Variants in PRKCA observed in about 807,000 individuals in gnomAD.
PRKCA encodes the protein protein kinase C alpha, also known as protein kinase C alpha type.
A neutral mutation model predicts 87.0 loss-of-function variants in PRKCA; 27 were observed. The observed-to-expected ratio is 0.31, with a 90% confidence interval of 0.23 to 0.43. PRKCA has a LOEUF of 0.43. Ranked by LOEUF, PRKCA falls within the 20% of genes least tolerant of loss-of-function variation. The pLI is 1.00. For synonymous variants in PRKCA, 329 were observed against 311.1 expected, an observed-to-expected ratio of 1.06 and a Z score of -0.61; for missense variants, 518 against 852.3, an observed-to-expected ratio of 0.61 and a Z score of 4.88.
intron 8 of PRKCA, among the ~76,000 whole-genome samples, chr17:66,712,115 C>G (rs1973345617): frequency 6.6e-6 from 1 of 152,156 alleles, no homozygotes. Context: ...CACCTGAATA[C>G]ACTGAGCCTC....
chr17:66,735,579 T>A lies in PRKCA; in HGVS notation c.1147T>A (p.Cys383Ser). ...GGTGATTCAGGATGATGACGTGGAGTGCACCATGGTAGAAAAGCGAGTCTT... is the reference window on the plus strand; with the variant it reads ...GGTGATTCAGGATGATGACGTGGAGAGCACCATGGTAGAAAAGCGAGTCTT... The part of the protein sequence containing the change: ...DVVIQDDDVE[C>S]TMVEKRVLAL... Residue 383 changes from cysteine (C) to serine (S), a missense_variant, in exon 10 of 17, where the codon TGC becomes AGC. Physicochemically the swap from Cys to Ser is moderately radical, Grantham distance 112. Coordinates refer to ENST00000413366, the MANE Select transcript of PRKCA (RefSeq NM_002737.3). 1 of 1,613,978 alleles carries A rather than the reference T, an allele frequency of 6.2e-7. No homozygotes were observed. Among genetic ancestry groups the A allele is most frequent in the Non-Finnish European group, 8.5e-7 (1 of 1,180,002 alleles).
rs1345606982 is a variant in PRKCA, at chr17:66,792,268, A to G, written c.1854+3289A>G. 6.6e-6 allele frequency among the ~76,000 whole-genome samples: 1 copy of G among 152,186 alleles called. No homozygotes were observed. The highest frequency in any genetic ancestry group is 1.5e-5 in the Non-Finnish European group (1 of 68,032). On this transcript the variant is annotated intron_variant, in intron 16 of 16. Transcript: ENST00000413366. The surrounding 1 kb of genome is among the most constrained non-coding windows in gnomAD (Gnocchi z 4.5). ...GGAATTAAACCTTTGCTTACTACCA[A>G]ATACCAGTAGCGGGACTTCAGGTTC...
chr17:66,364,210 C>A (rs1908564663), intron 2 of PRKCA: 1 of 152,208 alleles, frequency 6.6e-6, no homozygotes, highest in African/African-American at 2.4e-5. Context: ...GAGGTGTGAA[C>A]CTACCCAGGT....
intron 2 of PRKCA, among the ~76,000 whole-genome samples, chr17:66,393,800 G>A (rs1257619034): frequency 1.3e-5 from 2 of 152,126 alleles, no homozygotes; most frequent in Non-Finnish European, 2.9e-5. Context: ...TTGGCTGGGC[G>A]TGGTGGCTCA....
At chr17:66,580,388 T>C (rs959437749) in intron 3 of PRKCA, among the ~76,000 whole-genome samples, 1 of 152,206 alleles carries the variant, frequency 6.6e-6, no homozygotes, top group African/African-American at 2.4e-5. Context: ...GATTTTGCAG[T>C]GCTTTGGAAA....
At chr17:66,559,265 G>C (rs995953737) in intron 3 of PRKCA, among the ~76,000 whole-genome samples, 39 of 151,870 alleles carry the variant, frequency 2.6e-4, no homozygotes, top group South Asian at 1.7e-3. Context: ...GAGGTCAGGA[G>C]TTCAAGACCA....
chr17:66,687,309 A>G, intron 6 of PRKCA, 42 bp downstream of exon 6: 2 of 1,565,462 alleles, frequency 1.3e-6, no homozygotes, highest in Non-Finnish European at 1.7e-6. Flanking sequence ...CCTATACACC[A>G]TGCAGTTGCC....
intron 3 of PRKCA, among the ~76,000 whole-genome samples, chr17:66,574,004 AT>A (rs1249445943): frequency 6.6e-6 from 1 of 152,204 alleles, no homozygotes; most frequent in African/African-American, 2.4e-5. Flanking sequence ...CCCGAAGGGT[AT>A]TAAAGACAAC....
chr17:66,665,013 G>A (rs1015041436), intron 5 of PRKCA, among the ~76,000 whole-genome samples: 1 of 152,036 alleles, frequency 6.6e-6, no homozygotes, highest in Non-Finnish European at 1.5e-5. Flanking sequence ...CATGAACCCA[G>A]GATTTTTATG....
chr17:66,760,080 T>G (rs1487483481), intron 13 of PRKCA, among the ~76,000 whole-genome samples: 1 of 152,212 alleles, frequency 6.6e-6, no homozygotes, highest in Non-Finnish European at 1.5e-5. Context: ...TAGACTCTAC[T>G]TCATCCAACA....
At chr17:66,510,829 T>C (rs1917193687) in intron 3 of PRKCA, among the ~76,000 whole-genome samples, 1 of 152,104 alleles carries the variant, frequency 6.6e-6, no homozygotes, top group Non-Finnish European at 1.5e-5. Context: ...CACTGCAACA[T>C]CAACCTCCCT....
intron 3 of PRKCA, among the ~76,000 whole-genome samples, chr17:66,635,591 C>T (rs1017095461): frequency 6.6e-6 from 1 of 152,200 alleles, no homozygotes; most frequent in Admixed American, 6.5e-5. Context: ...TCCCACGACT[C>T]CTTAACATGA....
intron 2 of PRKCA, among the ~76,000 whole-genome samples, chr17:66,420,877 A>G (rs748577185): frequency 6.6e-6 from 1 of 152,200 alleles, no homozygotes; most frequent in Non-Finnish European, 1.5e-5. Flanking sequence ...TGTCCCCTGC[A>G]TTCCCCTCCT....
At chr17:66,579,475 G>T (rs1969351558) in intron 3 of PRKCA, among the ~76,000 whole-genome samples, 2 of 152,184 alleles carry the variant, frequency 1.3e-5, no homozygotes, top group African/African-American at 2.4e-5. Context: ...TGTCAGGCAC[G>T]GGTCTGTGTT....
intron 14 of PRKCA, among the ~76,000 whole-genome samples, chr17:66,784,839 G>A (rs147360639): frequency 1.8e-3 from 273 of 152,214 alleles, no homozygotes; most frequent in African/African-American, 5.5e-3. Flanking sequence ...ACAGGTGGCC[G>A]TCGGCAGCCT....
At chr17:66,316,124 G>GT in intron 2 of PRKCA, among the ~76,000 whole-genome samples, 1 of 152,314 alleles carries the variant, frequency 6.6e-6, no homozygotes, top group Admixed American at 6.5e-5. Context: ...AATGGCATGC[G>GT]TGAGAGAGGG....
intron 2 of PRKCA, among the ~76,000 whole-genome samples, chr17:66,363,752 G>C (rs1020424450): frequency 3.9e-5 from 6 of 152,144 alleles, no homozygotes; most frequent in Non-Finnish European, 7.3e-5. Context: ...ACCCAGGCTG[G>C]AGTGCAGTGG....
At chr17:66,375,843 G>A (rs539493027) in intron 2 of PRKCA, among the ~76,000 whole-genome samples, 54 of 152,196 alleles carry the variant, frequency 3.5e-4, no homozygotes, top group Admixed American at 1.6e-3. Context: ...ATATGGACCC[G>A]GCATGTGGCT....
rs144467577 is a variant in PRKCA at position 66,758,224 on chromosome 17, A to C, written c.1524+15464A>C. Among the ~76,000 whole-genome samples, 129 of 152,288 alleles carry C rather than the reference A, an allele frequency of 8.5e-4. No homozygotes were observed. In the East Asian group the frequency reaches 0.019, roughly 22 times the overall value. On this transcript the variant is annotated intron_variant, in intron 13 of 16. Coordinates refer to ENST00000413366, the MANE Select transcript of PRKCA (RefSeq NM_002737.3). ...AGACTACATTCCAAAAACAGCAGAA[A>C]ATTTTTGTGCTCTGAGCACTGGAGA...
Sources: allele counts gnomAD v4.1 joint callset (sites outside exome capture counted in the v4.1 genomes callset), GRCh38; gene constraint gnomAD v4.1.1; non-coding constraint Gnocchi (gnomAD v3.1); transcripts MANE v1.5; gene names NCBI Gene and HGNC (gene_info 2026-07-23, HGNC 2026-07-21).